The following APBB2 variants were observed in gnomAD, a reference collection of about 807,000 sequenced individuals.
APBB2 encodes the protein amyloid beta precursor protein binding family B member 2.
Under a neutral mutation model 82.5 loss-of-function variants are expected in APBB2, and 38 were observed. The ratio of observed to expected loss-of-function variants is 0.46; its 90% CI spans 0.36 to 0.60. APBB2 has a LOEUF of 0.60. Ranked by LOEUF, APBB2 falls within the 20% of genes least tolerant of loss-of-function variation. APBB2 has a pLI of 0.00. For synonymous variants in APBB2, 341 were observed against 368.2 expected, an observed-to-expected ratio of 0.93 and a Z score of 0.85; for missense variants, 772 against 972.3, an observed-to-expected ratio of 0.79 and a Z score of 2.74.
At chr4:41,051,070 AACAGAACTTAAGGGCAGGAAGG>A (rs1418231767) in intron 4 of APBB2, among the ~76,000 whole-genome samples, 1 of 152,124 alleles carries the variant, frequency 6.6e-6, no homozygotes, top group Non-Finnish European at 1.5e-5. Flanking sequence ...TGCTTTCCTC[AACAGAACTTAAGGGCAGGAAGG>A]AAAGCGGAAG....
intron 12 of APBB2, among the ~76,000 whole-genome samples, chr4:40,852,351 CAAAA>C (rs771660810): frequency 1.1e-5 from 1 of 94,004 alleles, no homozygotes; most frequent in Non-Finnish European, 2.2e-5. Flanking sequence ...ACTCTGTCTT[CAAAA>C]AAAAAAAAAA....
At chr4:41,213,327 A>G (rs1304652882) in intron 1 of APBB2, among the ~76,000 whole-genome samples, 3 of 152,200 alleles carry the variant, frequency 2.0e-5, no homozygotes, top group African/African-American at 7.2e-5. Context: ...AGGGACTTAA[A>G]CAAACTGTCC....
intron 2 of APBB2, among the ~76,000 whole-genome samples, chr4:41,108,616 G>A (rs1379729254): frequency 5.3e-5 from 8 of 152,134 alleles, no homozygotes; most frequent in Non-Finnish European, 5.9e-5. Flanking sequence ...TTTCCAACAA[G>A]TCAGAAAGAT....
intron 6 of APBB2, among the ~76,000 whole-genome samples, chr4:41,007,915 T>C (rs1035485482): frequency 1.3e-5 from 2 of 152,110 alleles, no homozygotes; most frequent in South Asian, 2.1e-4. Context: ...AAGATAAACA[T>C]GATAGCAGAA....
At chr4:41,095,871 A>G (rs1743295879) in intron 3 of APBB2, among the ~76,000 whole-genome samples, 1 of 152,116 alleles carries the variant, frequency 6.6e-6, no homozygotes, top group Non-Finnish European at 1.5e-5. Context: ...CTGGATGGCT[A>G]TTTATTGTTT....
Position 40,858,454 on chromosome 4 carries a change from C to T in APBB2, c.1530-27877G>A, listed in dbSNP as rs529861866. 1.2e-3 allele frequency among the ~76,000 whole-genome samples: 71 copies of T among 57,724 alleles called. 1 individual carries two copies. The highest frequency in any genetic ancestry group is 4.8e-3 in the African/African-American group (65 of 13,574). 37.9% of individuals were successfully genotyped at this position (57,724 alleles called of 152,430 possible). A position where few individuals can be genotyped will look rare whatever the true frequency, so the allele number is the denominator to read the frequency against. ...TGAGTGACAGAGTGAGAGTCCGTCT[C>T]AAAAAAAAAAAAAAAAAAAAAAAAG... On this transcript the variant is annotated intron_variant, in intron 12 of 17. Coordinates refer to ENST00000508593, the MANE Select transcript of APBB2 (RefSeq NM_004307.2).
chr4:41,016,145 T>C (rs944732427), intron 5 of APBB2, among the ~76,000 whole-genome samples: 6 of 152,202 alleles, frequency 3.9e-5, no homozygotes, highest in African/African-American at 1.4e-4. Context: ...AGTGAGATTA[T>C]GAGAAAGTGC....
chr4:40,836,549 T>C (rs931234078), intron 12 of APBB2, among the ~76,000 whole-genome samples: 2 of 152,014 alleles, frequency 1.3e-5, no homozygotes, highest in African/African-American at 4.8e-5. Flanking sequence ...AAGAAAGACA[T>C]TTAGAGGCCT....
chr4:40,881,540 T>C (rs1271743246), intron 12 of APBB2: 5 of 255,162 alleles, frequency 2.0e-5, no homozygotes, highest in African/African-American at 7.6e-5. Flanking sequence ...TTTTCTTTTT[T>C]TTTTTTTTTT....
chr4:40,946,040 C>G (rs1788291733), intron 6 of APBB2, among the ~76,000 whole-genome samples: 1 of 152,074 alleles, frequency 6.6e-6, no homozygotes, highest in Non-Finnish European at 1.5e-5. Flanking sequence ...TGAGACCAGC[C>G]TGACCAATGT....
intron 6 of APBB2, among the ~76,000 whole-genome samples, chr4:40,968,998 T>C (rs555365264): frequency 6.6e-6 from 1 of 152,328 alleles, no homozygotes; most frequent in Non-Finnish European, 1.5e-5. Flanking sequence ...TTCGCTTGGC[T>C]CTCATTCTCT....
intron 1 of APBB2, among the ~76,000 whole-genome samples, chr4:41,209,434 C>T (rs549437222): frequency 1.3e-5 from 2 of 152,354 alleles, no homozygotes; most frequent in South Asian, 4.1e-4. Context: ...CAATCACAGG[C>T]ATCTGTCCAA....
At chr4:41,076,745 G>C (rs1464423270) in intron 3 of APBB2, among the ~76,000 whole-genome samples, 1 of 152,106 alleles carries the variant, frequency 6.6e-6, no homozygotes, top group Non-Finnish European at 1.5e-5. Context: ...TGACAGACAG[G>C]AACTTCAGGA....
intron 6 of APBB2, among the ~76,000 whole-genome samples, chr4:40,998,978 TTA>T (rs1804391974): frequency 6.6e-6 from 1 of 152,102 alleles, no homozygotes; most frequent in Non-Finnish European, 1.5e-5. Context: ...AGCTTAAAAC[TTA>T]TAGTTTATTT....
intron 1 of APBB2, among the ~76,000 whole-genome samples, chr4:41,167,847 G>A (rs1266099405): frequency 6.6e-6 from 1 of 152,208 alleles, no homozygotes; most frequent in East Asian, 1.9e-4. Flanking sequence ...ACTACTGGCA[G>A]CCATCTTGCC....
intron 1 of APBB2, among the ~76,000 whole-genome samples, chr4:41,197,271 A>G: frequency 6.6e-6 from 1 of 152,206 alleles, no homozygotes; most frequent in South Asian, 2.1e-4. Flanking sequence ...TCAAGAGAGT[A>G]TATGGGCTCA....
At chr4:41,138,886 G>A (rs372422839) in intron 2 of APBB2, among the ~76,000 whole-genome samples, 1 of 152,072 alleles carries the variant, frequency 6.6e-6, no homozygotes, top group Non-Finnish European at 1.5e-5. Context: ...GGTTCAACAC[G>A]GTTGCAGGAA....
chr4:41,017,488 C>CTCAG (rs1446856352), intron 5 of APBB2, among the ~76,000 whole-genome samples: 1 of 152,196 alleles, frequency 6.6e-6, no homozygotes, highest in African/African-American at 2.4e-5. Context: ...AAGCACAGAT[C>CTCAG]TCAGGGTCAA....
chr4:41,030,889 G>A (rs1044490513), intron 5 of APBB2, among the ~76,000 whole-genome samples: 13 of 138,970 alleles, frequency 9.4e-5, no homozygotes, highest in African/African-American at 3.5e-4. Context: ...GCTGAATCGT[G>A]AAGGGCCAAT....
Sources: allele counts gnomAD v4.1 joint callset (sites outside exome capture counted in the v4.1 genomes callset), GRCh38; gene constraint gnomAD v4.1.1; transcripts MANE v1.5; gene names NCBI Gene and HGNC (gene_info 2026-07-23, HGNC 2026-07-21).